Variants in EXD3 observed in about 807,000 individuals in gnomAD.
The protein encoded by EXD3 is exonuclease mut-7 homolog.
A neutral mutation model predicts 98.0 loss-of-function variants in EXD3; 92 were observed. That is an observed-to-expected ratio of 0.94 (90% CI 0.79 to 1.12). EXD3 has a LOEUF of 1.12. Ranked by LOEUF, EXD3 falls within the 50% of genes most tolerant of loss-of-function variation. The pLI, the probability that EXD3 is intolerant of heterozygous loss-of-function variation, is 0.00. For synonymous variants in EXD3, 569 were observed against 526.0 expected (o/e 1.08, Z -1.12); for missense variants, 1,222 against 1,191.6 (o/e 1.03, Z -0.38).
At chr9:137,313,169 C>T (rs1160363827) in intron 19 of EXD3, among the ~76,000 whole-genome samples, 4 of 152,148 alleles carry the variant, frequency 2.6e-5, no homozygotes, top group South Asian at 2.1e-4. Flanking sequence ...GGGCGAGACA[C>T]GAGCCCTGGG....
chr9:137,355,255 G>A (rs1354628353), intron 8 of EXD3, among the ~76,000 whole-genome samples: 1 of 152,130 alleles, frequency 6.6e-6, no homozygotes, highest in Non-Finnish European at 1.5e-5. Context: ...GCCCCGGGGA[G>A]GGCACCACAG....
rs192148847 is a variant in EXD3 at position 137,349,927 on chromosome 9, C to T, written c.1495-396G>A. Among the ~76,000 whole-genome samples, 1 of 151,178 alleles carries T rather than the reference C, an allele frequency of 6.6e-6. No homozygotes were observed. The highest frequency in any genetic ancestry group is 1.5e-5 in the Non-Finnish European group (1 of 67,882). On this transcript the variant is annotated intron_variant, in intron 14 of 21. Coordinates refer to ENST00000340951, the MANE Select transcript of EXD3 (RefSeq NM_017820.5). The surrounding 1 kb of genome is among the most constrained non-coding windows in gnomAD (Gnocchi z 7.4). Reference sequence around the variant, plus strand: ...AGACAAAATGCAGCGAAACCACCCCCGGGGGGCTCTAGTGCTCATGCTAGG... The same window carrying T: ...AGACAAAATGCAGCGAAACCACCCCTGGGGGGCTCTAGTGCTCATGCTAGG...
intron 8 of EXD3, among the ~76,000 whole-genome samples, chr9:137,355,767 A>T (rs1483973083): frequency 2.0e-5 from 3 of 151,286 alleles, no homozygotes; most frequent in African/African-American, 7.3e-5. Context: ...GATAAAATTC[A>T]AACTTCCGGC....
rs769119455 is a variant in EXD3, at chr9:137,324,027, G to A, written c.2052+63C>T. 34 of 1,545,138 alleles carry A rather than the reference G, an allele frequency of 2.2e-5. No individual in the cohort carries two copies. Among genetic ancestry groups the A allele is most frequent in the Middle Eastern group, 1.7e-4 (1 of 6,002 alleles). On this transcript the variant is annotated intron_variant, in intron 18 of 21. Transcript: ENST00000340951. The surrounding 1 kb of genome is among the most constrained non-coding windows in gnomAD (Gnocchi z 4.1). ...AGCTGACCCTGAGGTGGGGGTGGCC[G>A]AGGGGCTGGGGGCTTGGGAAGATGG... is the stretch of plus-strand genomic sequence containing the variant.
At chr9:137,422,656 C>T (rs1375277801) in intron 1 of EXD3, among the ~76,000 whole-genome samples, 9 of 152,214 alleles carry the variant, frequency 5.9e-5, no homozygotes. Flanking sequence ...AGGTTGACAA[C>T]TAATACAGGA....
At chr9:137,422,018 C>T (rs1838545378) in intron 1 of EXD3, among the ~76,000 whole-genome samples, 1 of 149,790 alleles carries the variant, frequency 6.7e-6, no homozygotes. Context: ...AGAGATGATT[C>T]AACAGGTGAC....
At chr9:137,388,230 G>A (rs7467919) in intron 2 of EXD3, among the ~76,000 whole-genome samples, 25,087 of 152,008 alleles carry the variant, frequency 0.17, 2,467 homozygotes, top group African/African-American at 0.26. Flanking sequence ...TCCCCAAAAC[G>A]TGCCTGGGAG....
chr9:137,354,417 C>T (rs2119239582), intron 9 of EXD3, 40 bp from the exon 10 acceptor site: 1 of 1,611,890 alleles, frequency 6.2e-7, no homozygotes, highest in Non-Finnish European at 8.5e-7. Context: ...CCAGGCAGCT[C>T]CAGAGGCTGT....
intron 17 of EXD3, among the ~76,000 whole-genome samples, chr9:137,336,933 GACTAA>G (rs1322933445): frequency 2.0e-5 from 3 of 151,676 alleles, no homozygotes; most frequent in Non-Finnish European, 2.9e-5. Context: ...AACATAAAAG[GACTAA>G]ACTAATAAGT....
intron 17 of EXD3, among the ~76,000 whole-genome samples, chr9:137,339,000 A>G (rs1833516175): frequency 6.6e-6 from 1 of 152,100 alleles, no homozygotes; most frequent in Non-Finnish European, 1.5e-5. Context: ...AGCTGCAGAC[A>G]CAGCAGAGCC....
intron 2 of EXD3, among the ~76,000 whole-genome samples, chr9:137,390,234 T>G (rs1234135309): frequency 6.9e-6 from 1 of 144,400 alleles, no homozygotes; most frequent in East Asian, 2.2e-4. Context: ...ATCGAGACCA[T>G]CCTGGCTAAC....
chr9:137,422,556 C>T lies in EXD3; in HGVS notation c.-48+558G>A, dbSNP rs116427426. On this transcript the variant is annotated intron_variant, in intron 1 of 21. Transcript: ENST00000340951. ...TAAAAACCTGAGCCTCTGTTTTGTT[C>T]TCCGTTGCACCTGGTGACCCAGGCC... 3.4e-3 allele frequency among the ~76,000 whole-genome samples: 525 copies of T among 152,346 alleles called. 3 individuals carry two copies. Among genetic ancestry groups the T allele is most frequent in the African/African-American group, 0.012 (480 of 41,588 alleles).
intron 17 of EXD3, chr9:137,343,641 T>A (rs897004428): frequency 7.8e-6 from 1 of 128,336 alleles, no homozygotes; most frequent in African/African-American, 2.9e-5. Context: ...CAGGCTGGAG[T>A]GCAGTGGCGT....
intron 19 of EXD3, among the ~76,000 whole-genome samples, chr9:137,315,827 T>A (rs1831619084): frequency 1.3e-5 from 2 of 150,950 alleles, no homozygotes; most frequent in African/African-American, 4.9e-5. Flanking sequence ...CCCGGGCCGC[T>A]CCCACCTGCC....
intron 17 of EXD3, among the ~76,000 whole-genome samples, chr9:137,332,541 T>C (rs1299734499): frequency 2.7e-5 from 4 of 147,618 alleles, no homozygotes; most frequent in Non-Finnish European, 3.0e-5. Context: ...GAGCCGAGAT[T>C]GTTAAAGGGT....
intron 17 of EXD3, among the ~76,000 whole-genome samples, chr9:137,330,808 C>T (rs1833033093): frequency 6.6e-6 from 1 of 152,152 alleles, no homozygotes; most frequent in African/African-American, 2.4e-5. Flanking sequence ...AATTAAAGAA[C>T]AAGGAAAATT....
At chr9:137,382,413 G>A (rs1836362246) in intron 3 of EXD3, among the ~76,000 whole-genome samples, 1 of 152,070 alleles carries the variant, frequency 6.6e-6, no homozygotes, top group Admixed American at 6.5e-5. Flanking sequence ...CGGGACCCGG[G>A]GAGGCTCACA....
At chr9:137,330,631 A>T in intron 17 of EXD3, among the ~76,000 whole-genome samples, 1 of 150,304 alleles carries the variant, frequency 6.7e-6, no homozygotes. Flanking sequence ...GGAACTACAC[A>T]GGACTACACA....
intron 10 of EXD3, chr9:137,353,004 G>A (rs1461207650): frequency 1.5e-6 from 2 of 1,378,804 alleles, no homozygotes; most frequent in Admixed American, 3.3e-5. Flanking sequence ...GGCAAAGGCT[G>A]TCCACCCCAG....
Sources: allele counts gnomAD v4.1 joint callset (sites outside exome capture counted in the v4.1 genomes callset), GRCh38; gene constraint gnomAD v4.1.1; non-coding constraint Gnocchi (gnomAD v3.1); transcripts MANE v1.5; gene names NCBI Gene and HGNC (gene_info 2026-07-23, HGNC 2026-07-21).